The following PHLDB3 variants were observed in gnomAD, a reference collection of about 807,000 sequenced individuals.
The protein encoded by PHLDB3 is pleckstrin homology like domain family B member 3, also known as pleckstrin homology-like domain family B member 3.
In PHLDB3, 86 loss-of-function variants were observed where a neutral mutation model predicts 85.7. That is an observed-to-expected ratio of 1.00 (90% CI 0.84 to 1.20). The LOEUF (loss-of-function observed/expected upper bound fraction) is 1.20, where lower values mean the gene tolerates loss of function less well. Ranked by LOEUF, PHLDB3 falls within the 50% of genes most tolerant of loss-of-function variation. The pLI, the probability that PHLDB3 is intolerant of heterozygous loss-of-function variation, is 0.00. For synonymous variants in PHLDB3, 376 were observed against 349.8 expected, an observed-to-expected ratio of 1.07 and a Z score of -0.83; for missense variants, 995 against 873.0, an observed-to-expected ratio of 1.14 and a Z score of -1.76.
At chr19:43,487,500 G>A (rs775770850) in intron 9 of PHLDB3, among the ~76,000 whole-genome samples, 7 of 144,198 alleles carry the variant, frequency 4.9e-5, no homozygotes, top group Non-Finnish European at 1.1e-4. Context: ...GCTTGAACCC[G>A]GGAGGTGGAG....
At position 43,479,368 on chromosome 19, in the gene PHLDB3, T is replaced by C; in HGVS notation, c.1702+9A>G. 4 of 1,555,254 alleles carry C rather than the reference T, an allele frequency of 2.6e-6. No individual in the cohort carries two copies. The highest frequency in any genetic ancestry group is 3.5e-6 in the Non-Finnish European group (4 of 1,149,380). On this transcript the variant is annotated intron_variant, in intron 14 of 15. Coordinates refer to ENST00000292140, the MANE Select transcript of PHLDB3 (RefSeq NM_198850.4). ...GTCCTGGGGCCCATGGTGGCCAGGC[T>C]GGGCTTACCCGCATAGTAGGCCAAG... is the stretch of plus-strand genomic sequence containing the variant.
intron 13 of PHLDB3, among the ~76,000 whole-genome samples, chr19:43,483,044 C>A (rs1445653390): frequency 6.6e-6 from 1 of 152,048 alleles, no homozygotes; most frequent in African/African-American, 2.4e-5. Context: ...CTGCTATGAC[C>A]CAGGGTCTAG....
chr19:43,501,150 G>A (rs1971585078), intron 4 of PHLDB3, among the ~76,000 whole-genome samples: 1 of 150,986 alleles, frequency 6.6e-6, no homozygotes, highest in African/African-American at 2.4e-5. Flanking sequence ...CTATTGTGGG[G>A]TGGGTTTGGA....
At chr19:43,501,476 C>T (rs1036034738) in intron 4 of PHLDB3, 2 of 626,254 alleles carry the variant, frequency 3.2e-6, no homozygotes, top group African/African-American at 3.7e-5. Flanking sequence ...TGAGCCACTG[C>T]TTCCGGCCAG....
chr19:43,475,650 A>C (rs1165657712), intron 15 of PHLDB3, 106 bp from the exon 16 acceptor site: 4 of 1,388,808 alleles, frequency 2.9e-6, no homozygotes, highest in Non-Finnish European at 3.9e-6. Flanking sequence ...TGGACAAGGT[A>C]CTTAAGTATC....
chr19:43,482,831 C>A (rs774988457), intron 13 of PHLDB3, among the ~76,000 whole-genome samples: 1 of 152,188 alleles, frequency 6.6e-6, no homozygotes. Flanking sequence ...AGCCACCACG[C>A]CTGGCCTGTG....
chr19:43,489,786 C>G (rs1971271616), intron 9 of PHLDB3, among the ~76,000 whole-genome samples: 1 of 151,924 alleles, frequency 6.6e-6, no homozygotes, highest in Admixed American at 6.6e-5. Flanking sequence ...GCAGGCAGAT[C>G]ACCTGAGGTC....
rs1269327539 is a variant in PHLDB3, at chr19:43,478,127, C to T, written c.1708G>A (p.Glu570Lys). 1.9e-6 allele frequency: 3 copies of T among 1,612,030 alleles called. No homozygotes were observed. The highest frequency in any genetic ancestry group is 2.2e-5 in the East Asian group (1 of 44,858). The change falls in exon 15 of 16, where the codon GAA (glutamate) becomes AAA (lysine). Residue 570 changes from glutamate (E) to lysine (K), a missense_variant. Coordinates refer to ENST00000292140, the MANE Select transcript of PHLDB3 (RefSeq NM_198850.4). The stretch of plus-strand genomic sequence containing the variant: ...ATGACACCTTTGAGCTTGGTCTCTT[C>T]CTTGTCTGGTAGGGGAGGTAAGAGA... The part of the protein sequence containing the change: ...ARRLAYYADK[E>K]ETKLKGVIYF...
chr19:43,487,110 A>T lies in PHLDB3; in HGVS notation c.1163T>A (p.Leu388His). ...VHSSLQGSIG[L>H]QRTGSLPRKR... Reference sequence around the variant, plus strand: ...CCGGGGCAGGCTCCCAGTCCTCTGGAGGCCAATGGAGCCCTGAAAACACAA... The same window carrying T: ...CCGGGGCAGGCTCCCAGTCCTCTGGTGGCCAATGGAGCCCTGAAAACACAA... The change falls in exon 10 of 16, where the codon CTC becomes CAC. Residue 388 changes from leucine to histidine, a missense_variant. Leu to His is a moderately conservative substitution (Grantham distance 99, BLOSUM62 -3). Transcript: ENST00000292140. 2 of 1,561,684 alleles carry T rather than the reference A, an allele frequency of 1.3e-6. No individual in the cohort carries two copies. Among genetic ancestry groups the T allele is most frequent in the Non-Finnish European group, 1.7e-6 (2 of 1,152,432 alleles).
At chr19:43,499,224 G>C (rs1433103979) in intron 4 of PHLDB3, among the ~76,000 whole-genome samples, 1 of 152,166 alleles carries the variant, frequency 6.6e-6, no homozygotes, top group Non-Finnish European at 1.5e-5. Flanking sequence ...TTGGAGGTGA[G>C]AGACAGGGAA....
chr19:43,496,983 T>C (rs2145939360), intron 6 of PHLDB3, 135 bp downstream of exon 6: 3 of 1,202,912 alleles, frequency 2.5e-6, no homozygotes, highest in South Asian at 3.7e-5. Context: ...AAATGTTTCA[T>C]TAGTATCAGC....
intron 13 of PHLDB3, among the ~76,000 whole-genome samples, chr19:43,480,838 T>C (rs1007504641): frequency 6.6e-6 from 1 of 152,060 alleles, no homozygotes; most frequent in African/African-American, 2.4e-5. Flanking sequence ...AGTGGTCACC[T>C]CAGATGGTCA....
intron 9 of PHLDB3, among the ~76,000 whole-genome samples, chr19:43,489,155 G>C (rs981093824): frequency 1.3e-5 from 2 of 151,886 alleles, no homozygotes; most frequent in Admixed American, 1.3e-4. Flanking sequence ...CCTACATCCA[G>C]GTAGAACATA....
At chr19:43,489,090 G>A (rs111989411) in intron 9 of PHLDB3, among the ~76,000 whole-genome samples, 14 of 152,164 alleles carry the variant, frequency 9.2e-5, no homozygotes, top group Middle Eastern at 3.4e-3. Context: ...GTGAGCCACC[G>A]CACCCAAGTG....
rs750892770 is a variant in PHLDB3, at chr19:43,503,874, G to GC, written c.213+31dup. 2.4e-5 allele frequency: 38 copies of GC among 1,612,206 alleles called. No homozygotes were observed. The African/African-American group carries it at 3.9e-4, about 16-fold the overall frequency. On this transcript the variant is annotated intron_variant, in intron 2 of 15. Coordinates refer to ENST00000292140, the MANE Select transcript of PHLDB3 (RefSeq NM_198850.4). ...CCTGTTTGGGTCCCCGTCGGTCCAA[G>GC]CCCCCCGCGCTGTCGCCCTCGGGCC...
At chr19:43,494,077 G>C (rs1971382930) in intron 9 of PHLDB3, among the ~76,000 whole-genome samples, 1 of 152,158 alleles carries the variant, frequency 6.6e-6, no homozygotes, top group African/African-American at 2.4e-5. Flanking sequence ...CTGTCGCCTA[G>C]GCTGGAGTAC....
rs994140455 is a variant in PHLDB3, at chr19:43,486,532, G to A, written c.1428+77C>T. On this transcript the variant is annotated intron_variant, in intron 12 of 15. Transcript: ENST00000292140. ...GACCCCTGGGTCTGAGGGAGGTGGA[G>A]TTGGGGGTCTCCCAGGTCTGAGGGA... is the stretch of plus-strand genomic sequence containing the variant. The A allele has an allele frequency of 2.7e-6, 4 of 1,506,246 alleles. No homozygotes were observed. The African/African-American group carries it at 5.5e-5, about 21-fold the overall frequency. 93.3% of individuals were successfully genotyped at this position (1,506,246 alleles called of 1,614,324 possible).
chr19:43,503,966 C>T lies in PHLDB3; in HGVS notation c.153G>A (p.Glu51=). Residue 51 remains glutamate, a synonymous_variant, in exon 2 of 16, where the codon GAG becomes GAA. Coordinates refer to ENST00000292140, the MANE Select transcript of PHLDB3 (RefSeq NM_198850.4). ...CCACTTCTTCTTCCTCTGCCTGCTG[C>T]TCAGCTCCCCCGCGGCTCGAAGGTT... The part of the protein sequence containing the change: ...LAEPSSRGGA[E]QQAEEEEVGE... 6.2e-7 allele frequency: 1 copy of T among 1,613,976 alleles called. No homozygotes were observed. The highest frequency in any genetic ancestry group is 8.5e-7 in the Non-Finnish European group (1 of 1,179,828).
At chr19:43,488,695 G>A (rs968553021) in intron 9 of PHLDB3, among the ~76,000 whole-genome samples, 4 of 152,140 alleles carry the variant, frequency 2.6e-5, no homozygotes, top group Non-Finnish European at 5.9e-5. Context: ...CTGAGTTCAA[G>A]GTGATTCCCT....
Sources: gnomAD v4.1 joint callset for allele counts (sites outside exome capture counted in the v4.1 genomes callset) on GRCh38, gnomAD v4.1.1 for gene constraint, MANE v1.5 for transcripts, NCBI Gene and HGNC (gene_info 2026-07-23, HGNC 2026-07-21) for gene names.